LHFPL3: variants seen among roughly 807,000 people sequenced by gnomAD.
LHFPL3 encodes the protein LHFPL tetraspan subfamily member 3 protein.
In LHFPL3, 5 loss-of-function variants were observed where a neutral mutation model predicts 19.3. The ratio of observed to expected loss-of-function variants is 0.26; its 90% confidence interval spans 0.14 to 0.54. LHFPL3 has a LOEUF of 0.54. LHFPL3 is among the 20% of genes least tolerant of loss of function. The pLI, the probability that LHFPL3 is intolerant of heterozygous loss-of-function variation, is 0.94. For missense variants in LHFPL3, 249 were observed against 307.4 expected, an observed-to-expected ratio of 0.81 and a Z score of 1.42; for synonymous variants, 133 against 126.2, an observed-to-expected ratio of 1.05 and a Z score of -0.36.
intron 1 of LHFPL3, among the ~76,000 whole-genome samples, chr7:104,483,729 C>T (rs993720358): frequency 6.6e-6 from 1 of 152,206 alleles, no homozygotes; most frequent in African/African-American, 2.4e-5. Context: ...AATCCTCCCA[C>T]CTCAGCCTCC....
intron 2 of LHFPL3, among the ~76,000 whole-genome samples, chr7:104,763,107 A>T (rs1305580878): frequency 1.3e-5 from 2 of 152,240 alleles, no homozygotes; most frequent in Non-Finnish European, 2.9e-5. Context: ...CTCTTTGATA[A>T]CTATTCTATA....
chr7:104,640,450 C>T (rs1791809799), intron 1 of LHFPL3, among the ~76,000 whole-genome samples: 1 of 152,176 alleles, frequency 6.6e-6, no homozygotes, highest in Non-Finnish European at 1.5e-5. Flanking sequence ...AGAACATGAA[C>T]TCATTCCTTT....
intron 1 of LHFPL3, among the ~76,000 whole-genome samples, chr7:104,418,172 G>A (rs765451762): frequency 3.3e-5 from 5 of 152,094 alleles, no homozygotes; most frequent in Non-Finnish European, 5.9e-5. Context: ...CATGGCACCC[G>A]GCTGTTACTG....
intron 1 of LHFPL3, among the ~76,000 whole-genome samples, chr7:104,662,124 T>C (rs1308382898): frequency 6.6e-6 from 1 of 152,220 alleles, no homozygotes; most frequent in Non-Finnish European, 1.5e-5. Flanking sequence ...ATTTCTTGAA[T>C]GTTTTATTTA....
chr7:104,589,817 A>G (rs1790668893), intron 1 of LHFPL3, among the ~76,000 whole-genome samples: 1 of 152,142 alleles, frequency 6.6e-6, no homozygotes, highest in South Asian at 2.1e-4. Context: ...TCAGGGATTC[A>G]GTTTCTTCCT....
intron 1 of LHFPL3, among the ~76,000 whole-genome samples, chr7:104,512,971 C>T (rs1015604566): frequency 7.9e-5 from 12 of 152,082 alleles, no homozygotes; most frequent in Non-Finnish European, 1.3e-4. Flanking sequence ...CCTTTAGAAA[C>T]CCTAGGTATA....
At position 104,514,187 on chromosome 7, in the gene LHFPL3, T is replaced by A. The variant is rs549924838; in HGVS notation, c.445+184963T>A. 6.6e-5 allele frequency among the ~76,000 whole-genome samples: 10 copies of A among 151,686 alleles called. No individual in the cohort carries two copies. In the South Asian group the frequency reaches 2.1e-3, roughly 31 times the overall value. ...TCTCTGATACAGATTCAAGAAGCTC[T>A]CTCTCTCTTTCTTTGTCTCTCTCTC... On this transcript the variant is annotated intron_variant, in intron 1 of 2. Coordinates refer to ENST00000424859, the MANE Select transcript of LHFPL3 (RefSeq NM_199000.3).
intron 1 of LHFPL3, among the ~76,000 whole-genome samples, chr7:104,709,514 A>T (rs1463564176): frequency 5.8e-4 from 83 of 143,280 alleles, no homozygotes; most frequent in Admixed American, 1.1e-3. Context: ...CCCTGAGTGG[A>T]CACAGCACAT....
intron 1 of LHFPL3, among the ~76,000 whole-genome samples, chr7:104,515,031 A>G (rs1224677750): frequency 6.6e-6 from 1 of 152,158 alleles, no homozygotes; most frequent in Non-Finnish European, 1.5e-5. Flanking sequence ...ATTTTGTCCT[A>G]CTTCTTTCAC....
At chr7:104,770,740 C>T (rs1794536081) in intron 2 of LHFPL3, among the ~76,000 whole-genome samples, 1 of 152,178 alleles carries the variant, frequency 6.6e-6, no homozygotes, top group Non-Finnish European at 1.5e-5. Flanking sequence ...AGATTCCAGG[C>T]AGCCACTACC....
At chr7:104,730,767 A>AT (rs1408754882) in intron 1 of LHFPL3, among the ~76,000 whole-genome samples, 1 of 152,106 alleles carries the variant, frequency 6.6e-6, no homozygotes, top group Non-Finnish European at 1.5e-5. Flanking sequence ...CCATTTGTCA[A>AT]TTTTGGCTTT....
intron 1 of LHFPL3, among the ~76,000 whole-genome samples, chr7:104,357,495 G>T (rs1286437857): frequency 2.0e-5 from 3 of 152,124 alleles, no homozygotes; most frequent in Non-Finnish European, 4.4e-5. Flanking sequence ...TAACTTTCGG[G>T]TAGCCAACTT....
intron 1 of LHFPL3, among the ~76,000 whole-genome samples, chr7:104,687,695 A>G (rs1792831825): frequency 6.6e-6 from 1 of 152,210 alleles, no homozygotes; most frequent in Non-Finnish European, 1.5e-5. Flanking sequence ...AGAAAATATA[A>G]CAGTTCCCTA....
chr7:104,889,710 G>A (rs1473025677), intron 2 of LHFPL3, among the ~76,000 whole-genome samples: 2 of 152,138 alleles, frequency 1.3e-5, no homozygotes, highest in Non-Finnish European at 2.9e-5. Flanking sequence ...CTCCCATAAA[G>A]TCATCTTTAT....
intron 2 of LHFPL3, among the ~76,000 whole-genome samples, chr7:104,783,345 A>C (rs896170487): frequency 5.3e-5 from 8 of 152,248 alleles, no homozygotes; most frequent in African/African-American, 1.9e-4. Flanking sequence ...AAATGCCTAC[A>C]TACTTATTTA....
intron 2 of LHFPL3, among the ~76,000 whole-genome samples, chr7:104,742,111 A>G (rs1233060635): frequency 6.6e-6 from 1 of 152,232 alleles, no homozygotes; most frequent in Non-Finnish European, 1.5e-5. Flanking sequence ...TCATCCAGAT[A>G]AAAAGGATTT....
intron 1 of LHFPL3, among the ~76,000 whole-genome samples, chr7:104,636,845 T>A (rs796505636): frequency 8.5e-5 from 13 of 152,346 alleles, no homozygotes; most frequent in African/African-American, 3.1e-4. Flanking sequence ...GCAATGAACA[T>A]ACACATGTGT....
chr7:104,487,667 G>A (rs777532666), intron 1 of LHFPL3, among the ~76,000 whole-genome samples: 1 of 152,160 alleles, frequency 6.6e-6, no homozygotes, highest in African/African-American at 2.4e-5. Flanking sequence ...AAGATGGCAT[G>A]GAACAAAATG....
In LHFPL3 at chr7:104,542,992, G is replaced by A. The variant is rs1238437541; in HGVS notation, c.446-193683G>A. 5.3e-5 allele frequency among the ~76,000 whole-genome samples: 8 copies of A among 152,266 alleles called. 1 individual carries two copies. The highest frequency in any genetic ancestry group is 1.9e-4 in the African/African-American group (8 of 41,526). On this transcript the variant is annotated intron_variant, in intron 1 of 2. Transcript: ENST00000424859. ...CAGCCATAGTAAACAATGAGTTCAT[G>A]TCCATTGCAGGGACATGGATGAAGC...
Sources: allele counts gnomAD v4.1 joint callset (sites outside exome capture counted in the v4.1 genomes callset), GRCh38; gene constraint gnomAD v4.1.1; transcripts MANE v1.5; gene names NCBI Gene and HGNC (gene_info 2026-07-23, HGNC 2026-07-21).